Variants in ACOT12 observed in about 807,000 individuals in gnomAD.
ACOT12 encodes acetyl-coenzyme A thioesterase.
ACOT12 carries 51 observed loss-of-function variants against 67.7 expected under a neutral mutation model. The observed-to-expected ratio is 0.75, with a 90% CI of 0.60 to 0.95. The LOEUF (loss-of-function observed/expected upper bound fraction) is 0.95, where lower values mean the gene tolerates loss of function less well. Ranked by LOEUF, ACOT12 falls within the 40% of genes least tolerant of loss-of-function variation. The pLI, the probability that ACOT12 is intolerant of heterozygous loss-of-function variation, is 0.00. For synonymous variants in ACOT12, 251 were observed against 244.6 expected (o/e 1.03, Z -0.24); for missense variants, 734 against 708.1 (o/e 1.04, Z -0.41).
intron 6 of ACOT12, among the ~76,000 whole-genome samples, chr5:81,347,254 A>T (rs1466203041): frequency 6.6e-6 from 1 of 152,126 alleles, no homozygotes; most frequent in Non-Finnish European, 1.5e-5. Flanking sequence ...ACTAGCCAGG[A>T]CTATAGGTGC....
At chr5:81,356,910 C>T (rs1759734624) in intron 5 of ACOT12, among the ~76,000 whole-genome samples, 1 of 152,016 alleles carries the variant, frequency 6.6e-6, no homozygotes, top group Admixed American at 6.6e-5. Flanking sequence ...CAGTCATGCC[C>T]CAACCCTGCT....
At chr5:81,360,911 G>C (rs115133365) in intron 4 of ACOT12, among the ~76,000 whole-genome samples, 1,888 of 151,564 alleles carry the variant, frequency 0.012, 31 homozygotes, top group South Asian at 0.018. Context: ...AACACTGTCT[G>C]TACTAAAAAT....
chr5:81,364,152 A>T (rs1760002937), intron 3 of ACOT12, among the ~76,000 whole-genome samples: 1 of 151,816 alleles, frequency 6.6e-6, no homozygotes, highest in Admixed American at 6.6e-5. Context: ...CAGTAATCCC[A>T]TCACCCAGAG....
intron 8 of ACOT12, 53 bp downstream of exon 8, chr5:81,344,838 A>C: frequency 5.0e-4 from 751 of 1,488,692 alleles, no homozygotes; most frequent in Non-Finnish European, 6.1e-4. Flanking sequence ...GATTCTAGGT[A>C]GAGCTCTCTA....
the ACOT12 span, among the ~76,000 whole-genome samples, chr5:81,313,602 T>G: frequency 3.3e-5 from 5 of 152,340 alleles, no homozygotes; most frequent in South Asian, 1.0e-3. Flanking sequence ...TTCACAAGGC[T>G]TAACACTACC....
intron 3 of ACOT12, 111 bp from the exon 4 acceptor site, chr5:81,364,000 C>A: frequency 1.8e-6 from 1 of 549,624 alleles, no homozygotes; most frequent in Non-Finnish European, 2.8e-6. Flanking sequence ...AAAATGAAAC[C>A]AGAATTTTAA....
the ACOT12 span, chr5:81,308,821 A>C: frequency 7.0e-7 from 1 of 1,431,470 alleles, no homozygotes; most frequent in Non-Finnish European, 9.4e-7. Flanking sequence ...AGTATTTGGA[A>C]ATCATATGAG....
chr5:81,322,357 C>G, the ACOT12 span, among the ~76,000 whole-genome samples: 150 of 151,674 alleles, frequency 9.9e-4, no homozygotes, highest in African/African-American at 3.5e-3. Flanking sequence ...TGTATAATGT[C>G]TTTAATATTA....
At position 81,345,128 on chromosome 5, in the gene ACOT12, C is replaced by T. The variant is rs116325322; in HGVS notation, c.774-87G>A. ...ACACCGCTGCCACCTCCTCGCCCAC[C>T]GCTGCCACCTCCTCTAAGCAACAGG... is the stretch of plus-strand genomic sequence containing the variant. On this transcript the variant is annotated intron_variant, in intron 7 of 14. Coordinates refer to ENST00000307624, the MANE Select transcript of ACOT12 (RefSeq NM_130767.3). 4,317 of 937,002 alleles carry T rather than the reference C, an allele frequency of 4.6e-3. 108 individuals are homozygous for T. The African/African-American group carries it at 0.083, about 18-fold the overall frequency. The allele number at this position is 937,002 out of a possible 1,614,324, so 58.0% of individuals were successfully genotyped here. A position where few individuals can be genotyped will look rare whatever the true frequency, so the allele number is the denominator to read the frequency against.
intron 5 of ACOT12, among the ~76,000 whole-genome samples, chr5:81,349,084 G>A (rs549879719): frequency 6.6e-6 from 1 of 152,284 alleles, no homozygotes; most frequent in South Asian, 2.1e-4. Flanking sequence ...TGGCTGTACT[G>A]TCAGAGGCAG....
rs898142867 is a variant in ACOT12 at position 81,330,806 on chromosome 5, A to C, written c.1518+8T>G. The C allele has an allele frequency of 1.2e-6, 2 of 1,611,378 alleles. No individual in the cohort carries two copies. The highest frequency in any genetic ancestry group is 2.7e-5 in the African/African-American group (2 of 74,716). On this transcript the variant is annotated splice_region_variant and intron_variant, in intron 14 of 14. Transcript: ENST00000307624. The stretch of plus-strand genomic sequence containing the variant: ...CCAATTAATCTGCAGATGTTTCATC[A>C]AACTTACGATGCATGAATTGCTGTC...
chr5:81,378,741 A>T (rs921772140), intron 2 of ACOT12, among the ~76,000 whole-genome samples: 1 of 152,264 alleles, frequency 6.6e-6, no homozygotes, highest in African/African-American at 2.4e-5. Context: ...AAAGCTCATC[A>T]TCACTGGTTA....
chr5:81,347,236 G>A (rs948642188), intron 6 of ACOT12, among the ~76,000 whole-genome samples: 1 of 151,964 alleles, frequency 6.6e-6, no homozygotes, highest in Non-Finnish European at 1.5e-5. Context: ...TCCCACCTCC[G>A]CCTCCCAACT....
chr5:81,342,539 C>A, intron 11 of ACOT12, 133 bp downstream of exon 11: 1 of 846,900 alleles, frequency 1.2e-6, no homozygotes. Flanking sequence ...AAGATGGTTG[C>A]GTCTTAGAAA....
chr5:81,356,737 C>T (rs1759727698), intron 5 of ACOT12, among the ~76,000 whole-genome samples: 1 of 152,010 alleles, frequency 6.6e-6, no homozygotes, highest in Non-Finnish European at 1.5e-5. Flanking sequence ...CGCCCTTCTC[C>T]CCACAGCCAA....
In ACOT12 at chr5:81,394,122, G is replaced by A; in HGVS notation, c.-8C>T. Reference sequence around the variant, plus strand: ...GGGCGCCGGCCGCTCCATGGCCAGGGCGAGAGCGCTACGCCTGCGGCCCCC... The same window carrying A: ...GGGCGCCGGCCGCTCCATGGCCAGGACGAGAGCGCTACGCCTGCGGCCCCC... On this transcript the variant is annotated 5_prime_UTR_variant, in exon 1 of 15. Coordinates refer to ENST00000307624, the MANE Select transcript of ACOT12 (RefSeq NM_130767.3). The A allele has an allele frequency of 7.0e-7, 1 of 1,434,128 alleles. No individual in the cohort carries two copies. Among genetic ancestry groups the A allele is most frequent in the Non-Finnish European group, 9.1e-7 (1 of 1,096,712 alleles). 88.8% of individuals were successfully genotyped at this position (1,434,128 alleles called of 1,614,324 possible).
chr5:81,344,825 G>A, intron 8 of ACOT12, 66 bp downstream of exon 8: 1 of 1,574,048 alleles, frequency 6.4e-7, no homozygotes, highest in Non-Finnish European at 8.7e-7. Context: ...GCCGGTGGGA[G>A]GAGATTCTAG....
intron 5 of ACOT12, among the ~76,000 whole-genome samples, chr5:81,350,759 A>G (rs367990304): frequency 6.6e-6 from 1 of 152,290 alleles, no homozygotes; most frequent in East Asian, 1.9e-4. Flanking sequence ...TGAATTCTGA[A>G]AGGGAGAGAA....
chr5:81,372,075 A>T (rs968315621), intron 2 of ACOT12, among the ~76,000 whole-genome samples: 8 of 152,180 alleles, frequency 5.3e-5, no homozygotes, highest in African/African-American at 1.9e-4. Context: ...GTGCGACATG[A>T]CTCCAAATCG....
Sources: gnomAD v4.1 joint callset for allele counts (sites outside exome capture counted in the v4.1 genomes callset) on GRCh38, gnomAD v4.1.1 for gene constraint, MANE v1.5 for transcripts, NCBI Gene and HGNC (gene_info 2026-07-23, HGNC 2026-07-21) for gene names.